Variants in ATRNL1 observed in about 807,000 individuals in gnomAD.
The protein encoded by ATRNL1 is attractin like 1.
A neutral mutation model predicts 182.7 loss-of-function variants in ATRNL1; 95 were observed. The observed-to-expected ratio is 0.52, with a 90% CI of 0.44 to 0.62. The LOEUF is 0.62. ATRNL1 is among the 20% of genes least tolerant of loss of function. ATRNL1 has a pLI of 0.00. For missense variants in ATRNL1, 1,471 were observed against 1,679.5 expected (o/e 0.88, Z 2.17); for synonymous variants, 576 against 568.3 (o/e 1.01, Z -0.19).
At chr10:115,436,091 C>T (rs976326907) in intron 21 of ATRNL1, among the ~76,000 whole-genome samples, 18 of 151,936 alleles carry the variant, frequency 1.2e-4, no homozygotes, top group Non-Finnish European at 1.0e-4. Context: ...AAGTTTATTA[C>T]GGACATAGGG....
At chr10:115,721,481 C>T (rs1373179523) in intron 26 of ATRNL1, among the ~76,000 whole-genome samples, 10 of 152,110 alleles carry the variant, frequency 6.6e-5, no homozygotes, top group Admixed American at 6.6e-4. Flanking sequence ...CTTACAATTC[C>T]ATATGGCTGG....
At chr10:115,379,839 T>C (rs1857891461) in intron 19 of ATRNL1, among the ~76,000 whole-genome samples, 2 of 152,214 alleles carry the variant, frequency 1.3e-5, no homozygotes, top group African/African-American at 4.8e-5. Context: ...TACCTTTTTT[T>C]CTTTTGAGAC....
intron 28 of ATRNL1, among the ~76,000 whole-genome samples, chr10:115,891,011 T>A (rs1555111122): frequency 6.6e-6 from 1 of 152,066 alleles, no homozygotes; most frequent in Non-Finnish European, 1.5e-5. Context: ...GCTGTAAGGG[T>A]GCAAATCAAG....
chr10:115,773,208 G>A (rs1469407125), intron 27 of ATRNL1, among the ~76,000 whole-genome samples: 1 of 152,004 alleles, frequency 6.6e-6, no homozygotes, highest in Admixed American at 6.6e-5. Flanking sequence ...AGGAAAAGTG[G>A]CAAAAAATCC....
intron 26 of ATRNL1, among the ~76,000 whole-genome samples, chr10:115,674,326 T>G (rs1945793763): frequency 6.6e-6 from 1 of 152,078 alleles, no homozygotes. Context: ...GCCTAGATCC[T>G]TAAGTCACTA....
chr10:115,478,590 A>G (rs1284960327), intron 24 of ATRNL1, among the ~76,000 whole-genome samples: 1 of 151,712 alleles, frequency 6.6e-6, no homozygotes, highest in Admixed American at 6.6e-5. Flanking sequence ...AGGAGTGACT[A>G]TTCTACCACC....
At chr10:115,751,433 T>C (rs1948445552) in intron 27 of ATRNL1, among the ~76,000 whole-genome samples, 1 of 152,060 alleles carries the variant, frequency 6.6e-6, no homozygotes, top group Admixed American at 6.6e-5. Flanking sequence ...AATAAAATAC[T>C]CTTAAGAGGA....
chr10:115,252,683 C>G (rs1850933938), intron 10 of ATRNL1, among the ~76,000 whole-genome samples: 1 of 152,098 alleles, frequency 6.6e-6, no homozygotes, highest in Non-Finnish European at 1.5e-5. Flanking sequence ...GCTTGACCTT[C>G]TTTAATTGAC....
At chr10:115,518,640 A>G (rs1480132214) in intron 24 of ATRNL1, among the ~76,000 whole-genome samples, 2 of 151,808 alleles carry the variant, frequency 1.3e-5, no homozygotes, top group Non-Finnish European at 3.0e-5. Context: ...TAATTGAAAA[A>G]CCACATTACA....
chr10:115,820,218 TC>T (rs1399853753), intron 27 of ATRNL1: 1 of 152,170 alleles, frequency 6.6e-6, no homozygotes, highest in Non-Finnish European at 1.5e-5. Flanking sequence ...ATATTCATTT[TC>T]CCCTTCATCA....
intron 6 of ATRNL1, among the ~76,000 whole-genome samples, chr10:115,161,548 C>A (rs1402683916): frequency 6.6e-6 from 1 of 151,970 alleles, no homozygotes; most frequent in African/African-American, 2.4e-5. Flanking sequence ...CAAAGAGCAA[C>A]ATTGTCAACA....
intron 27 of ATRNL1, among the ~76,000 whole-genome samples, chr10:115,819,242 GGCA>G (rs1950237510): frequency 1.3e-5 from 2 of 151,628 alleles, no homozygotes; most frequent in African/African-American, 2.4e-5. Context: ...GTGTCCCTTT[GGCA>G]TCTTAAATGA....
intron 26 of ATRNL1, among the ~76,000 whole-genome samples, chr10:115,701,940 C>G (rs1293926728): frequency 6.6e-6 from 1 of 151,922 alleles, no homozygotes; most frequent in Non-Finnish European, 1.5e-5. Context: ...CTTCCCTAAG[C>G]ATTCTATGAA....
At chr10:115,527,938 CTCCT>C (rs1380646633) in intron 25 of ATRNL1, among the ~76,000 whole-genome samples, 5 of 86,950 alleles carry the variant, frequency 5.8e-5, no homozygotes, top group Non-Finnish European at 1.1e-4. Context: ...CTCCTTCCTT[CTCCT>C]TCCTTCCTTC....
rs1476170996 is a variant in ATRNL1 at position 115,948,061 on chromosome 10, G to A, written c.*3282G>A. ...ATCCATCTTTTGGTCGTAGGTAAAG[G>A]TCAATCAGGTTTTTCAAAAAGACTC... On this transcript the variant is annotated 3_prime_UTR_variant, in exon 29 of 29. Transcript: ENST00000355044. 1 of 152,166 alleles carries A rather than the reference G, an allele frequency of 6.6e-6. No individual in the cohort carries two copies. The highest frequency in any genetic ancestry group is 1.5e-5 in the Non-Finnish European group (1 of 68,036). 9.4% of individuals were successfully genotyped at this position (152,166 alleles called of 1,614,324 possible). A position where few individuals can be genotyped will look rare whatever the true frequency, so the allele number is the denominator to read the frequency against.
chr10:115,347,237 A>T (rs1257838877), intron 19 of ATRNL1, among the ~76,000 whole-genome samples: 1 of 152,152 alleles, frequency 6.6e-6, no homozygotes, highest in Non-Finnish European at 1.5e-5. Flanking sequence ...ATTCACTGTT[A>T]TACTTTCTCC....
chr10:115,332,194 A>G (rs1554935267), intron 18 of ATRNL1, among the ~76,000 whole-genome samples: 1 of 152,108 alleles, frequency 6.6e-6, no homozygotes, highest in Admixed American at 6.5e-5. Flanking sequence ...TGAGTCCTGG[A>G]GACCTTTCTG....
chr10:115,254,583 G>A (rs1554906256), intron 10 of ATRNL1, among the ~76,000 whole-genome samples: 4 of 152,108 alleles, frequency 2.6e-5, no homozygotes, highest in Non-Finnish European at 4.4e-5. Context: ...CCATTCTGTA[G>A]GTTGCCTGTT....
At chr10:115,746,499 G>T (rs1948295864) in intron 27 of ATRNL1, among the ~76,000 whole-genome samples, 1 of 151,940 alleles carries the variant, frequency 6.6e-6, no homozygotes, top group African/African-American at 2.4e-5. Context: ...TAGTTTCTTT[G>T]ATAGCATTTT....
Sources: gnomAD v4.1 joint callset for allele counts (sites outside exome capture counted in the v4.1 genomes callset) on GRCh38, gnomAD v4.1.1 for gene constraint, MANE v1.5 for transcripts, NCBI Gene and HGNC (gene_info 2026-07-23, HGNC 2026-07-21) for gene names.